DKK3: variants seen among roughly 807,000 people sequenced by gnomAD.
DKK3 encodes dickkopf-related protein 3.
In DKK3, 22 loss-of-function variants were observed where a neutral mutation model predicts 33.2. The ratio of observed to expected loss-of-function variants is 0.66; its 90% CI spans 0.47 to 0.95. The LOEUF (loss-of-function observed/expected upper bound fraction) is 0.95. Among genes scored for constraint, DKK3 ranks in the 40% least tolerant of loss-of-function variants. The pLI, the probability that DKK3 is intolerant of heterozygous loss-of-function variation, is 0.00. For synonymous variants in DKK3, 194 were observed against 188.8 expected (o/e 1.03, Z -0.23); for missense variants, 398 against 458.4 (o/e 0.87, Z 1.20).
rs1211860888 is a variant in DKK3, at chr11:12,002,169, A to G, written c.351+131T>C. The G allele has an allele frequency of 5.8e-6, 6 of 1,036,914 alleles. No homozygotes were observed. In the African/African-American group the frequency reaches 6.4e-5, roughly 11 times the overall value. 64.2% of individuals were successfully genotyped at this position (1,036,914 alleles called of 1,614,324 possible). Reference sequence around the variant, plus strand: ...GTAACATTACTCCTTCTGGTTTTCAATCCGTATTTTATGATTCTCAATTGT... The same window carrying G: ...GTAACATTACTCCTTCTGGTTTTCAGTCCGTATTTTATGATTCTCAATTGT... On this transcript the variant is annotated intron_variant, in intron 2 of 6. Coordinates refer to ENST00000683431, the MANE Select transcript of DKK3 (RefSeq NM_001018057.2).
chr11:11,999,540 G>A (rs952212290), intron 2 of DKK3, among the ~76,000 whole-genome samples: 2 of 152,242 alleles, frequency 1.3e-5, no homozygotes, highest in Non-Finnish European at 2.9e-5. Flanking sequence ...CAGGAGAATT[G>A]CTTGAACCTG....
chr11:11,999,796 A>C (rs1848385253), intron 2 of DKK3, among the ~76,000 whole-genome samples: 1 of 152,238 alleles, frequency 6.6e-6, no homozygotes, highest in East Asian at 1.9e-4. Flanking sequence ...TCTCACTTCT[A>C]CATCATCTTT....
intron 3 of DKK3, among the ~76,000 whole-genome samples, chr11:11,984,851 C>A (rs540361084): frequency 5.3e-5 from 8 of 152,232 alleles, no homozygotes; most frequent in African/African-American, 1.9e-4. Context: ...CTCTTCCCTG[C>A]CCTGAGGAAT....
At chr11:12,009,360 C>T (rs1167307226), upstream of DKK3, 8 of 942,676 alleles carry the variant, frequency 8.5e-6, no homozygotes, top group African/African-American at 1.4e-4. Flanking sequence ...CCACCAGGCT[C>T]CCTCTCCGCC....
Position 11,965,801 on chromosome 11 carries a change from G to T in DKK3, c.830+8C>A, listed in dbSNP as rs1420185727. ...GGCTCCCTGAGAGTGAGGGTTAGGG[G>T]GCCTCACCTGTGGGGCTGGCAGAGG... On this transcript the variant is annotated splice_region_variant and intron_variant, in intron 6 of 6. Coordinates refer to ENST00000683431, the MANE Select transcript of DKK3 (RefSeq NM_001018057.2). 6.2e-7 allele frequency: 1 copy of T among 1,613,546 alleles called. No individual in the cohort carries two copies. The highest frequency in any genetic ancestry group is 1.1e-5 in the South Asian group (1 of 91,044).
Position 12,002,419 on chromosome 11 carries a change from C to T in DKK3, c.232G>A (p.Ala78Thr). Reference sequence around the variant, plus strand: ...TTCACTTCTGATGATGCTTTAGCAGCAGCTTCTTCTGCCTCCATCTATTAA... The same window carrying T: ...TTCACTTCTGATGATGCTTTAGCAGTAGCTTCTTCTGCCTCCATCTATTAA... ...AVEEMEAEEA[A>T]AKASSEVNLA... is the part of the protein sequence containing the mutation. Residue 78 changes from alanine to threonine, a missense_variant, in exon 2 of 7, where the codon GCT becomes ACT. Coordinates refer to ENST00000683431, the MANE Select transcript of DKK3 (RefSeq NM_001018057.2). The T allele has an allele frequency of 6.2e-7, 1 of 1,613,340 alleles. No homozygotes were observed. Among genetic ancestry groups the T allele is most frequent in the Non-Finnish European group, 8.5e-7 (1 of 1,179,650 alleles).
intron 3 of DKK3, among the ~76,000 whole-genome samples, chr11:11,988,217 C>T (rs117083529): frequency 6.6e-6 from 1 of 152,152 alleles, no homozygotes; most frequent in Non-Finnish European, 1.5e-5. Flanking sequence ...ATGAAACTGA[C>T]AGTAGACAGA....
chr11:12,000,519 CTTTT>C (rs1184063352), intron 2 of DKK3, among the ~76,000 whole-genome samples: 3 of 117,498 alleles, frequency 2.6e-5, no homozygotes, highest in Admixed American at 1.8e-4. Flanking sequence ...TTTTTTTTTT[CTTTT>C]TTTTGACAGT....
chr11:11,991,699 C>T (rs982294468), intron 3 of DKK3, among the ~76,000 whole-genome samples: 8 of 152,180 alleles, frequency 5.3e-5, no homozygotes, highest in African/African-American at 1.9e-4. Context: ...GAAGCCGTCA[C>T]CAGGTGCAGA....
intron 3 of DKK3, among the ~76,000 whole-genome samples, chr11:11,971,979 T>C (rs937045393): frequency 6.6e-6 from 1 of 152,186 alleles, no homozygotes; most frequent in African/African-American, 2.4e-5. Context: ...GCTTTTGTTA[T>C]AATCGAGCCC....
chr11:11,996,457 G>C (rs145549105), intron 3 of DKK3, among the ~76,000 whole-genome samples: 1 of 152,134 alleles, frequency 6.6e-6, no homozygotes, highest in African/African-American at 2.4e-5. Context: ...AAGCCACTGC[G>C]ACAATGAGTG....
At chr11:11,995,013 G>A (rs1848261730) in intron 3 of DKK3, among the ~76,000 whole-genome samples, 1 of 152,164 alleles carries the variant, frequency 6.6e-6, no homozygotes, top group Admixed American at 6.5e-5. Flanking sequence ...AAGTCACTGG[G>A]TCACTCAAAT....
Position 11,964,161 on chromosome 11 carries a change from C to A in DKK3, c.*303G>T, listed in dbSNP as rs1847523096. The A allele has an allele frequency of 2.7e-6, 1 of 371,862 alleles. No individual in the cohort carries two copies. The highest frequency in any genetic ancestry group is 5.3e-5 in the South Asian group (1 of 18,858). 23.0% of individuals were successfully genotyped at this position (371,862 alleles called of 1,614,324 possible). A position where few individuals can be genotyped will look rare whatever the true frequency, so the allele number is the denominator to read the frequency against. On this transcript the variant is annotated 3_prime_UTR_variant, in exon 7 of 7. Coordinates refer to ENST00000683431, the MANE Select transcript of DKK3 (RefSeq NM_001018057.2). ...CCTCCCCTCAAACAATTATCAAAGC[C>A]ATGTAGAACAAACGGCTGTCTGCCA...
chr11:11,982,597 C>T (rs1287296743), intron 3 of DKK3, among the ~76,000 whole-genome samples: 1 of 152,156 alleles, frequency 6.6e-6, no homozygotes, highest in Non-Finnish European at 1.5e-5. Flanking sequence ...TGACATCTGC[C>T]CCAGGCTAAT....
intron 5 of DKK3, among the ~76,000 whole-genome samples, chr11:11,966,317 T>A (rs1201590899): frequency 6.6e-6 from 1 of 152,004 alleles, no homozygotes; most frequent in Non-Finnish European, 1.5e-5. Context: ...GCCGGTGAAA[T>A]TCCCAAATAG....
At chr11:11,966,071 C>T in intron 5 of DKK3, 106 bp from the exon 6 acceptor site, 1 of 1,347,994 alleles carries the variant, frequency 7.4e-7, no homozygotes, top group Non-Finnish European at 9.9e-7. Context: ...CACCCTCAAC[C>T]CCAAAGTGCA....
At chr11:11,997,218 T>C (rs75776417) in intron 3 of DKK3, among the ~76,000 whole-genome samples, 329 of 152,308 alleles carry the variant, frequency 2.2e-3, no homozygotes, top group African/African-American at 7.7e-3. Flanking sequence ...TGTGCAATGA[T>C]AGATTAAGTT....
At chr11:11,968,588 C>T (rs1847656074) in intron 3 of DKK3, 101 bp from the exon 4 acceptor site, 1 of 1,162,158 alleles carries the variant, frequency 8.6e-7, no homozygotes, top group Non-Finnish European at 1.2e-6. Flanking sequence ...CCATTCTTGA[C>T]CCCACAGGCT....
At chr11:11,984,988 A>C (rs1848038913) in intron 3 of DKK3, among the ~76,000 whole-genome samples, 1 of 152,226 alleles carries the variant, frequency 6.6e-6, no homozygotes, top group South Asian at 2.1e-4. Context: ...GAAAAACTTT[A>C]ATGTTTCAGT....
Sources: allele counts gnomAD v4.1 joint callset (sites outside exome capture counted in the v4.1 genomes callset), GRCh38; gene constraint gnomAD v4.1.1; transcripts MANE v1.5; gene names NCBI Gene and HGNC (gene_info 2026-07-23, HGNC 2026-07-21).